MITF: variants seen among roughly 807,000 people sequenced by gnomAD.
MITF encodes melanocyte inducing transcription factor.
In MITF, 17 loss-of-function variants were observed where a neutral mutation model predicts 60.5. That is an observed-to-expected ratio of 0.28 (90% confidence interval 0.19 to 0.42). The LOEUF (loss-of-function observed/expected upper bound fraction) is 0.42, where lower values mean the gene tolerates loss of function less well. Among genes scored for constraint, MITF ranks in the 10% least tolerant of loss-of-function variants. The pLI is 1.00. For synonymous variants in MITF, 260 were observed against 248.5 expected (o/e 1.05, Z -0.43); for missense variants, 622 against 683.5 (o/e 0.91, Z 1.00).
chr3:69,925,681 T>C (rs1169212455), intron 2 of MITF, among the ~76,000 whole-genome samples: 4 of 152,182 alleles, frequency 2.6e-5, no homozygotes. Context: ...TTTTCAGGGC[T>C]CTCACTGACC....
chr3:69,959,452 C>T (rs1576055665), intron 9 of MITF, 32 bp downstream of exon 9: 1 of 1,613,050 alleles, frequency 6.2e-7, no homozygotes, highest in African/African-American at 1.3e-5. Context: ...AAGTTTACTG[C>T]TTTTTACCGA....
At chr3:69,870,438 A>ATCTTTT (rs1228387008) in intron 1 of MITF, among the ~76,000 whole-genome samples, 1 of 141,688 alleles carries the variant, frequency 7.1e-6, no homozygotes. Flanking sequence ...ATATATATAT[A>ATCTTTT]TATTTTTTTT....
At chr3:69,802,684 T>TC (rs2062941124) in intron 1 of MITF, among the ~76,000 whole-genome samples, 1 of 14,240 alleles carries the variant, frequency 7.0e-5, no homozygotes, top group African/African-American at 3.7e-4. Context: ...GTCCATATTC[T>TC]TTTTTTTTTT....
intron 1 of MITF, among the ~76,000 whole-genome samples, chr3:69,869,513 C>T (rs1202570712): frequency 1.3e-5 from 2 of 152,196 alleles, no homozygotes; most frequent in African/African-American, 4.8e-5. Context: ...AGTAGGCGAG[C>T]TGGGACATGA....
chr3:69,749,032 A>G lies in MITF; in HGVS notation c.104+9331A>G, dbSNP rs9833933. On this transcript the variant is annotated intron_variant, in intron 1 of 9. Transcript: ENST00000352241. Reference sequence around the variant, plus strand: ...CTGATTCTAGGAAGCATGTTTTTCAAAAACATACATTTTATTTTTTACAGT... The same window carrying G: ...CTGATTCTAGGAAGCATGTTTTTCAGAAACATACATTTTATTTTTTACAGT... Among the ~76,000 whole-genome samples, 399 of 152,338 alleles carry G rather than the reference A, an allele frequency of 2.6e-3. 1 individual carries two copies. The highest frequency in any genetic ancestry group is 8.9e-3 in the African/African-American group (368 of 41,566).
chr3:69,882,378 G>A (rs1483206088), intron 2 of MITF, among the ~76,000 whole-genome samples: 2 of 152,038 alleles, frequency 1.3e-5, no homozygotes, highest in Non-Finnish European at 2.9e-5. Context: ...ATGGAATCAT[G>A]AGTCTTATTG....
At chr3:69,928,901 G>A (rs1429166501) in intron 2 of MITF, among the ~76,000 whole-genome samples, 1 of 152,084 alleles carries the variant, frequency 6.6e-6, no homozygotes, top group Admixed American at 6.5e-5. Context: ...AGACCCACAG[G>A]GCCCTACTGG....
At chr3:69,906,620 C>T (rs2065106067) in intron 2 of MITF, among the ~76,000 whole-genome samples, 1 of 152,084 alleles carries the variant, frequency 6.6e-6, no homozygotes. Flanking sequence ...CTTGTATAAT[C>T]TTTAACATTT....
intron 2 of MITF, among the ~76,000 whole-genome samples, chr3:69,913,812 T>A (rs777079686): frequency 6.6e-6 from 1 of 152,174 alleles, no homozygotes; most frequent in Non-Finnish European, 1.5e-5. Context: ...TGATGCCTAC[T>A]CAACCTTCCC....
At chr3:69,919,547 T>C (rs932580066) in intron 2 of MITF, among the ~76,000 whole-genome samples, 3 of 152,218 alleles carry the variant, frequency 2.0e-5, no homozygotes, top group Non-Finnish European at 4.4e-5. Flanking sequence ...TGTGTGTATA[T>C]ATCTAAAAAC....
At chr3:69,908,054 C>T (rs1286445064) in intron 2 of MITF, among the ~76,000 whole-genome samples, 3 of 151,994 alleles carry the variant, frequency 2.0e-5, no homozygotes, top group Non-Finnish European at 4.4e-5. Context: ...TTATTTTTCC[C>T]TAAAACTCTT....
chr3:69,856,331 A>G (rs2063918408), intron 1 of MITF, among the ~76,000 whole-genome samples: 1 of 152,210 alleles, frequency 6.6e-6, no homozygotes, highest in African/African-American at 2.4e-5. Context: ...GAAGCCACGA[A>G]TGGAAATAGG....
chr3:69,961,550 CAAA>C (rs36044055), intron 9 of MITF, among the ~76,000 whole-genome samples: 10 of 127,068 alleles, frequency 7.9e-5, no homozygotes, highest in East Asian at 4.6e-4. Flanking sequence ...ACCAAAAATA[CAAA>C]AAAAAAAAAA....
intron 5 of MITF, 43 bp from the exon 6 acceptor site, chr3:69,949,008 A>G: frequency 7.2e-7 from 1 of 1,384,272 alleles, no homozygotes; most frequent in South Asian, 1.2e-5. Flanking sequence ...AAACATGGGA[A>G]TTGTTCAACA....
intron 1 of MITF, chr3:69,763,888 T>G: frequency 7.3e-7 from 1 of 1,379,074 alleles, no homozygotes; most frequent in Non-Finnish European, 9.7e-7. Flanking sequence ...CGAGCTATTT[T>G]CTCTCTCTGT....
intron 2 of MITF, among the ~76,000 whole-genome samples, chr3:69,884,427 T>C (rs1559696612): frequency 6.6e-6 from 1 of 152,190 alleles, no homozygotes. Flanking sequence ...TTATTTTCCT[T>C]CTGGGTTGTC....
At chr3:69,782,510 G>A (rs1299262338) in intron 1 of MITF, among the ~76,000 whole-genome samples, 1 of 152,178 alleles carries the variant, frequency 6.6e-6, no homozygotes, top group Non-Finnish European at 1.5e-5. Context: ...AAGTGTGGTT[G>A]TGTGAGTTAC....
intron 1 of MITF, among the ~76,000 whole-genome samples, chr3:69,846,216 T>C (rs1260618152): frequency 1.5e-5 from 2 of 132,706 alleles, no homozygotes; most frequent in Non-Finnish European, 3.4e-5. Flanking sequence ...GCTGTGCAGC[T>C]GTCTGGGGAA....
intron 2 of MITF, among the ~76,000 whole-genome samples, chr3:69,926,653 G>A (rs549693033): frequency 4.6e-5 from 7 of 152,168 alleles, no homozygotes; most frequent in Non-Finnish European, 7.3e-5. Flanking sequence ...TGCTGCACTC[G>A]CAGCTCCCAT....
Sources: allele counts gnomAD v4.1 joint callset (sites outside exome capture counted in the v4.1 genomes callset), GRCh38; gene constraint gnomAD v4.1.1; transcripts MANE v1.5; gene names NCBI Gene and HGNC (gene_info 2026-07-23, HGNC 2026-07-21).